Variants in RALYL observed in about 807,000 individuals in gnomAD.
RALYL encodes the protein RNA-binding Raly-like protein.
A neutral mutation model predicts 35.1 loss-of-function variants in RALYL; 29 were observed. The observed-to-expected ratio is 0.83, with a 90% confidence interval of 0.61 to 1.13. RALYL has a LOEUF of 1.13. Ranked by LOEUF, RALYL falls within the 50% of genes most tolerant of loss-of-function variation. RALYL has a pLI of 0.00. For missense variants in RALYL, 359 were observed against 360.4 expected (o/e 1.00, Z 0.03); for synonymous variants, 120 against 127.6 (o/e 0.94, Z 0.40).
intron 1 of RALYL, among the ~76,000 whole-genome samples, chr8:84,240,122 AC>A (rs1827547801): frequency 1.3e-5 from 2 of 152,184 alleles, no homozygotes; most frequent in Admixed American, 1.3e-4. Context: ...ATTATTGTAG[AC>A]ACACTAAATT....
intron 2 of RALYL, among the ~76,000 whole-genome samples, chr8:84,565,786 G>A (rs1390408516): frequency 6.6e-6 from 1 of 151,720 alleles, no homozygotes; most frequent in East Asian, 1.9e-4. Context: ...TACTTATACT[G>A]TGAATCCTGA....
At chr8:84,482,483 T>C (rs1276404192) in intron 1 of RALYL, among the ~76,000 whole-genome samples, 1 of 152,066 alleles carries the variant, frequency 6.6e-6, no homozygotes, top group Non-Finnish European at 1.5e-5. Flanking sequence ...TGTCCTTGTT[T>C]GCAAACAAGT....
chr8:84,891,711 T>C (rs1341943165), intron 8 of RALYL, among the ~76,000 whole-genome samples: 1 of 152,148 alleles, frequency 6.6e-6, no homozygotes, highest in African/African-American at 2.4e-5. Flanking sequence ...GCAATCCGGA[T>C]TGAAACTAAG....
chr8:84,333,083 A>C (rs903064608), intron 1 of RALYL, among the ~76,000 whole-genome samples: 7 of 152,278 alleles, frequency 4.6e-5, no homozygotes, highest in Admixed American at 4.6e-4. Context: ...GAATCCATTT[A>C]CATTTGGTTA....
chr8:84,681,233 A>G (rs1389769985), intron 2 of RALYL, among the ~76,000 whole-genome samples: 2 of 152,080 alleles, frequency 1.3e-5, no homozygotes, highest in Non-Finnish European at 2.9e-5. Context: ...TACCAGTACC[A>G]TGGTGTTTTG....
intron 1 of RALYL, among the ~76,000 whole-genome samples, chr8:84,386,446 G>A (rs1354939947): frequency 8.6e-5 from 13 of 151,770 alleles, no homozygotes; most frequent in Admixed American, 7.9e-4. Context: ...AATTGGGAAC[G>A]TTTGACTTTG....
At chr8:84,725,657 C>T (rs950709812) in intron 2 of RALYL, among the ~76,000 whole-genome samples, 2 of 151,470 alleles carry the variant, frequency 1.3e-5, no homozygotes, top group African/African-American at 4.8e-5. Context: ...TCTGTGAGCC[C>T]TTCAATTTAG....
chr8:84,192,243 T>C (rs1814072568), intron 1 of RALYL, among the ~76,000 whole-genome samples: 1 of 152,166 alleles, frequency 6.6e-6, no homozygotes, highest in Non-Finnish European at 1.5e-5. Flanking sequence ...AACTAAACCA[T>C]GAGGAAATAA....
chr8:84,397,025 C>A (rs1384918871), intron 1 of RALYL, among the ~76,000 whole-genome samples: 3 of 152,070 alleles, frequency 2.0e-5, no homozygotes, highest in African/African-American at 7.2e-5. Context: ...GAAGGGAAGA[C>A]AATCTTGGAT....
intron 2 of RALYL, among the ~76,000 whole-genome samples, chr8:84,598,816 T>G (rs1300619496): frequency 6.6e-6 from 1 of 152,162 alleles, no homozygotes; most frequent in Non-Finnish European, 1.5e-5. Flanking sequence ...AACATTTTGA[T>G]TTTCTTTTCT....
chr8:84,584,601 C>CAAAA (rs34560691), intron 2 of RALYL, among the ~76,000 whole-genome samples: 4 of 133,332 alleles, frequency 3.0e-5, no homozygotes, highest in South Asian at 2.4e-4. Flanking sequence ...GACTCTGTCT[C>CAAAA]AAAAAAAAAA....
chr8:84,494,943 G>C (rs1587768431), intron 1 of RALYL, among the ~76,000 whole-genome samples: 1 of 152,094 alleles, frequency 6.6e-6, no homozygotes, highest in South Asian at 2.1e-4. Flanking sequence ...TGTTGAATAG[G>C]AGTGGCGAGA....
Position 84,910,163 on chromosome 8 carries a change from A to G in RALYL, c.859-10731A>G, listed in dbSNP as rs544984487. Among the ~76,000 whole-genome samples the G allele has an allele frequency of 3.3e-5, 5 of 152,176 alleles. No individual in the cohort carries two copies. The South Asian group carries it at 1.0e-3, about 32-fold the overall frequency. On this transcript the variant is annotated intron_variant, in intron 8 of 8. Transcript: ENST00000521268. ...TTGGATCAAGAGAAAAACATTTTTC[A>G]TGACACTTGCAATTACAATCAAACA...
intron 7 of RALYL, among the ~76,000 whole-genome samples, chr8:84,875,569 C>A (rs757744683): frequency 3.9e-5 from 6 of 151,908 alleles, no homozygotes; most frequent in Non-Finnish European, 8.8e-5. Flanking sequence ...ATATTTATGT[C>A]TCTTTAACTT....
At chr8:84,515,457 A>G (rs1324039322) in intron 1 of RALYL, among the ~76,000 whole-genome samples, 1 of 152,184 alleles carries the variant, frequency 6.6e-6, no homozygotes. Flanking sequence ...ATTCCTTTCA[A>G]TGTGGTTCCT....
At chr8:84,509,484 G>C (rs2057432685) in intron 1 of RALYL, among the ~76,000 whole-genome samples, 1 of 152,094 alleles carries the variant, frequency 6.6e-6, no homozygotes, top group Non-Finnish European at 1.5e-5. Context: ...TCATTCTCTT[G>C]ACAATGTCTT....
At chr8:84,251,869 G>A (rs752656265) in intron 1 of RALYL, among the ~76,000 whole-genome samples, 1 of 151,442 alleles carries the variant, frequency 6.6e-6, no homozygotes, top group Non-Finnish European at 1.5e-5. Context: ...CTAATGATTG[G>A]GGGGAAGTTT....
chr8:84,300,489 T>A (rs921428140), intron 1 of RALYL, among the ~76,000 whole-genome samples: 1 of 152,044 alleles, frequency 6.6e-6, no homozygotes, highest in Non-Finnish European at 1.5e-5. Flanking sequence ...GTCCTGAATA[T>A]CTTTGTTAGA....
chr8:84,900,234 A>G (rs558561580), intron 8 of RALYL, among the ~76,000 whole-genome samples: 2 of 152,330 alleles, frequency 1.3e-5, no homozygotes, highest in South Asian at 4.1e-4. Context: ...TAAGCTTTAA[A>G]TATACAAAAA....
Sources: gnomAD v4.1 joint callset for allele counts (sites outside exome capture counted in the v4.1 genomes callset) on GRCh38, gnomAD v4.1.1 for gene constraint, MANE v1.5 for transcripts, NCBI Gene and HGNC (gene_info 2026-07-23, HGNC 2026-07-21) for gene names.